ABCA7: variants seen among roughly 807,000 people sequenced by gnomAD.
ABCA7 encodes the protein phospholipid-transporting ATPase ABCA7.
ABCA7 carries 261 observed loss-of-function variants against 227.6 expected under a neutral mutation model. The ratio of observed to expected loss-of-function variants is 1.15; its 90% CI spans 1.04 to 1.27. The LOEUF (loss-of-function observed/expected upper bound fraction) is 1.27, where lower values mean the gene tolerates loss of function less well. Among genes scored for constraint, ABCA7 ranks in the 50% most tolerant of loss-of-function variants. ABCA7 has a pLI of 0.00. For synonymous variants in ABCA7, 1,488 were observed against 1,279.7 expected (o/e 1.16, Z -3.47); for missense variants, 3,331 against 2,924.5 (o/e 1.14, Z -3.21).
intron 21 of ABCA7, 129 bp downstream of exon 21, chr19:1,051,715 G>C (rs2041647819): frequency 9.3e-7 from 1 of 1,071,328 alleles, no homozygotes; most frequent in Non-Finnish European, 1.3e-6. Context: ...GGCATTTAGG[G>C]GCTACTGCTC....
Position 1,064,258 on chromosome 19 carries a change from G to A in ABCA7, c.6044+5G>A, listed in dbSNP as rs1447415434. ...CCCGCAACATCTCAAGGGCAGGTGAGCCGGCGCGGCCTCCAGGCAGGTGTG... is the reference window on the plus strand; with the variant it reads ...CCCGCAACATCTCAAGGGCAGGTGAACCGGCGCGGCCTCCAGGCAGGTGTG... On this transcript the variant is annotated splice_donor_5th_base_variant and intron_variant, in intron 45 of 46. Transcript: ENST00000263094. The A allele has an allele frequency of 1.7e-5, 27 of 1,552,576 alleles. No individual in the cohort carries two copies. The highest frequency in any genetic ancestry group is 2.3e-5 in the Non-Finnish European group (26 of 1,149,794).
chr19:1,045,387 A>C, intron 12 of ABCA7, 156 bp downstream of exon 12: 1 of 764,602 alleles, frequency 1.3e-6, no homozygotes, highest in Non-Finnish European at 2.1e-6. Context: ...GGCTCCTTAG[A>C]CCAATAGGGG....
chr19:1,058,012 A>G lies in ABCA7; in HGVS notation c.4978A>G (p.Ile1660Val), dbSNP rs368473239. Residue 1660 changes from isoleucine (I) to valine (V), a missense_variant, in exon 36 of 47, where the codon ATC (isoleucine) becomes GTC (valine). Coordinates refer to ENST00000263094, the MANE Select transcript of ABCA7 (RefSeq NM_019112.4). The stretch of plus-strand genomic sequence containing the variant: ...CACCTGCATAAACCTCTTTATTGGC[A>G]TCAATGGAAGCATGGCCACCTTTGT... ...VLTCINLFIGINGSMATFVLE... is the reference protein window; with the variant it reads ...VLTCINLFIGVNGSMATFVLE... 3.7e-6 allele frequency: 6 copies of G among 1,613,968 alleles called. No homozygotes were observed. Among genetic ancestry groups the G allele is most frequent in the Non-Finnish European group, 5.1e-6 (6 of 1,180,036 alleles).
At chr19:1,061,325 A>C (rs1380190893) in intron 40 of ABCA7, among the ~76,000 whole-genome samples, 1 of 134,186 alleles carries the variant, frequency 7.5e-6, no homozygotes, top group Admixed American at 8.4e-5. Flanking sequence ...TGAACCCAGG[A>C]GGTGGAGGTT....
At chr19:1,050,864 C>T in intron 18 of ABCA7, 57 bp from the exon 19 acceptor site, 1 of 1,317,704 alleles carries the variant, frequency 7.6e-7, no homozygotes, top group African/African-American at 1.5e-5. Flanking sequence ...AATAGAAGCT[C>T]TGTAACTGCC....
rs750555264 is a variant in ABCA7 at position 1,045,247 on chromosome 19, G to A, written c.1445+16G>A. 3.1e-6 allele frequency: 5 copies of A among 1,598,602 alleles called. No individual in the cohort carries two copies. In the African/African-American group the frequency reaches 5.3e-5, roughly 17 times the overall value. On this transcript the variant is annotated intron_variant, in intron 12 of 46. Transcript: ENST00000263094. ...TCAGGGACAGGTCAGGCGAGGGAGG[G>A]GGCGGGGGGATGAGGGACTGGGCGG...
chr19:1,050,580 G>A (rs2041481470), intron 18 of ABCA7, among the ~76,000 whole-genome samples: 1 of 151,486 alleles, frequency 6.6e-6, no homozygotes, highest in Non-Finnish European at 1.5e-5. Flanking sequence ...GATCATCCTG[G>A]CTAACATGGT....
At chr19:1,057,128 C>A (rs1280136174) in intron 34 of ABCA7, 44 bp downstream of exon 34, 1 of 1,590,764 alleles carries the variant, frequency 6.3e-7, no homozygotes, top group African/African-American at 1.3e-5. Flanking sequence ...CCACTGCTTG[C>A]CACTGCCCTG....
rs903511142 is a variant in ABCA7, at chr19:1,052,234, C to A, written c.3168C>A (p.Gly1056=). ...TNEKADTDME[G]SVDTRQEKKN... is the part of the protein sequence containing the mutation. ...CGCAGGCTGACACTGACATGGAGGG[C>A]AGTGTGGACACCAGGCAGGAAAAGA... is the stretch of plus-strand genomic sequence containing the variant. Residue 1056 remains glycine, a synonymous_variant, in exon 23 of 47, where the codon GGC becomes GGA. Transcript: ENST00000263094. 11 of 1,569,954 alleles carry A rather than the reference C, an allele frequency of 7.0e-6. No individual in the cohort carries two copies. The highest frequency in any genetic ancestry group is 9.5e-6 in the Non-Finnish European group (11 of 1,158,668).
chr19:1,053,643 A>G, intron 24 of ABCA7, 112 bp downstream of exon 24: 2 of 1,510,766 alleles, frequency 1.3e-6, no homozygotes, highest in Non-Finnish European at 9.0e-7. Context: ...TTCAGGGAGG[A>G]GGCATGGCAC....
At position 1,048,960 on chromosome 19, in the gene ABCA7, C is replaced by T. The variant is rs1298974736; in HGVS notation, c.2335C>T (p.Pro779Ser). The change falls in exon 17 of 47, where the codon CCC (proline) becomes TCC (serine). Residue 779 changes from proline (P) to serine (S), a missense_variant. Pro to Ser is a moderately conservative substitution (Grantham distance 74). Coordinates refer to ENST00000263094, the MANE Select transcript of ABCA7 (RefSeq NM_019112.4). ...GAGGAGCTACTGGTGCGGACCTCGGCCCCCCAAGAGTCCAGCCCCTTGCCC... is the reference window on the plus strand; with the variant it reads ...GAGGAGCTACTGGTGCGGACCTCGGTCCCCCAAGAGTCCAGCCCCTTGCCC... ...FRRSYWCGPR[P>S]PKSPAPCPTP... 1.2e-6 allele frequency: 2 copies of T among 1,608,406 alleles called. No homozygotes were observed. The highest frequency in any genetic ancestry group is 8.5e-7 in the Non-Finnish European group (1 of 1,177,966).
chr19:1,065,288 A>C lies in ABCA7; in HGVS notation c.6304A>C (p.Lys2102Gln), dbSNP rs1198008503. Reference sequence around the variant, plus strand: ...CCGCTAGGTATTCTTGTACTTCTCCAAGGACCAGGGGAAGGACGAGGACAC... The same window carrying C: ...CCGCTAGGTATTCTTGTACTTCTCCCAGGACCAGGGGAAGGACGAGGACAC... ...MLEEVFLYFS[K>Q]DQGKDEDTEE... The change falls in exon 47 of 47, where the codon AAG becomes CAG. Residue 2102 changes from lysine to glutamine, a missense_variant. Physicochemically the swap from Lys to Gln is moderately conservative, Grantham distance 53. Transcript: ENST00000263094. 2 of 1,613,318 alleles carry C rather than the reference A, an allele frequency of 1.2e-6. No individual in the cohort carries two copies. Among genetic ancestry groups the C allele is most frequent in the Non-Finnish European group, 1.7e-6 (2 of 1,179,938 alleles).
At chr19:1,063,426 C>G in intron 42 of ABCA7, 118 bp from the exon 43 acceptor site, 1 of 1,403,952 alleles carries the variant, frequency 7.1e-7, no homozygotes, top group Non-Finnish European at 9.6e-7. Flanking sequence ...CTCACATTTG[C>G]CCTGCCCCAT....
At chr19:1,052,319 G>A (rs2041723236) in intron 23 of ABCA7, 33 bp downstream of exon 23, 2 of 1,527,968 alleles carry the variant, frequency 1.3e-6, no homozygotes, top group Admixed American at 4.1e-5. Flanking sequence ...CAAGGCGGGT[G>A]GGCAGTGGGG....
In ABCA7 at chr19:1,045,174, G is replaced by C. The variant is rs3752233; in HGVS notation, c.1388G>C (p.Arg463Pro). 4.6e-4 allele frequency: 742 copies of C among 1,610,864 alleles called. 1 individual carries two copies. Among genetic ancestry groups the C allele is most frequent in the Non-Finnish European group, 5.9e-4 (698 of 1,178,618 alleles). Residue 463 changes from arginine to proline, a missense_variant, in exon 12 of 47, where the codon CGC becomes CCC. Coordinates refer to ENST00000263094, the MANE Select transcript of ABCA7 (RefSeq NM_019112.4). ...PTPDLGPGHV[R>P]IKIRMDIDVV... The stretch of plus-strand genomic sequence containing the variant: ...CCAGACCTGGGCCCCGGCCACGTGC[G>C]CATCAAAATCCGCATGGACATTGAC...
chr19:1,050,804 A>AATAAT (rs1436118342), intron 18 of ABCA7, 117 bp from the exon 19 acceptor site: 1 of 499,118 alleles, frequency 2.0e-6, no homozygotes, highest in African/African-American at 2.1e-5. Context: ...TAATAATAAT[A>AATAAT]ATAATAATAA....
In ABCA7 at chr19:1,053,402, G is replaced by C. The variant is rs947668738; in HGVS notation, c.3294G>C (p.Glu1098Asp). ...GARLVEELPHELVLVLPYTGA... is the reference protein window; with the variant it reads ...GARLVEELPHDLVLVLPYTGA... ...GGCTGGTGGAGGAGCTGCCACACGA[G>C]CTGGTGCTGGTGCTGCCCTACACGG... Residue 1098 changes from glutamate (E) to aspartate (D), a missense_variant, in exon 24 of 47, where the codon GAG becomes GAC. Glu to Asp is a conservative substitution (Grantham distance 45, BLOSUM62 2). Coordinates refer to ENST00000263094, the MANE Select transcript of ABCA7 (RefSeq NM_019112.4). 3 of 1,607,618 alleles carry C rather than the reference G, an allele frequency of 1.9e-6. No individual in the cohort carries two copies. The highest frequency in any genetic ancestry group is 3.4e-5 in the Admixed American group (2 of 59,674).
intron 15 of ABCA7, 30 bp from the exon 16 acceptor site, chr19:1,047,423 G>A (rs917702038): frequency 3.9e-6 from 6 of 1,537,904 alleles, no homozygotes; most frequent in East Asian, 2.4e-5. Flanking sequence ...CCCCGCTTCG[G>A]CCGCTCACTG....
rs1438871274 is a variant in ABCA7, at chr19:1,043,846, G to A, written c.1047+5G>A. 1 of 1,612,918 alleles carries A rather than the reference G, an allele frequency of 6.2e-7. No homozygotes were observed. Among genetic ancestry groups the A allele is most frequent in the African/African-American group, 1.3e-5 (1 of 74,982 alleles). The stretch of plus-strand genomic sequence containing the variant: ...TCCAATGTGGCCATGCTGCAGGTGT[G>A]CGGGGGTGCTGGGGAGGTGGGATGT... On this transcript the variant is annotated splice_donor_5th_base_variant and intron_variant, in intron 10 of 46. Coordinates refer to ENST00000263094, the MANE Select transcript of ABCA7 (RefSeq NM_019112.4).
Sources: gnomAD v4.1 joint callset for allele counts (sites outside exome capture counted in the v4.1 genomes callset) on GRCh38, gnomAD v4.1.1 for gene constraint, MANE v1.5 for transcripts, NCBI Gene and HGNC (gene_info 2026-07-23, HGNC 2026-07-21) for gene names.